Variants in CFAP20DC observed in about 807,000 individuals in gnomAD.
CFAP20DC encodes protein CFAP20DC.
CFAP20DC carries 84 observed loss-of-function variants against 101.7 expected under a neutral mutation model. The observed-to-expected ratio is 0.83, with a 90% CI of 0.69 to 0.99. CFAP20DC has a LOEUF of 0.99. Ranked by LOEUF, CFAP20DC falls within the 50% of genes least tolerant of loss-of-function variation. The pLI is 0.00. For synonymous variants in CFAP20DC, 359 were observed against 351.2 expected, an observed-to-expected ratio of 1.02 and a Z score of -0.25; for missense variants, 1,007 against 970.3, an observed-to-expected ratio of 1.04 and a Z score of -0.50.
chr3:58,889,155 T>A (rs2081936355), intron 6 of CFAP20DC, among the ~76,000 whole-genome samples: 1 of 152,230 alleles, frequency 6.6e-6, no homozygotes, highest in Non-Finnish European at 1.5e-5. Flanking sequence ...AATTTTATAC[T>A]TAGAGAATGT....
At chr3:58,955,047 T>C (rs539719837) in intron 4 of CFAP20DC, among the ~76,000 whole-genome samples, 1 of 151,822 alleles carries the variant, frequency 6.6e-6, no homozygotes, top group Non-Finnish European at 1.5e-5. Context: ...AAATTTACCA[T>C]ATTTTGTGTA....
At chr3:58,720,747 G>T (rs999868359) in intron 3 of CFAP20DC, among the ~76,000 whole-genome samples, 2 of 152,056 alleles carry the variant, frequency 1.3e-5, no homozygotes, top group Non-Finnish European at 2.9e-5. Flanking sequence ...CAGTGTCAAA[G>T]TACTCTCCAT....
At chr3:58,919,076 A>G (rs537044238) in intron 5 of CFAP20DC, among the ~76,000 whole-genome samples, 151 of 152,316 alleles carry the variant, frequency 9.9e-4, no homozygotes, top group African/African-American at 3.4e-3. Context: ...TGCCCCAGAC[A>G]GATCCTGTGC....
intron 16 of CFAP20DC, among the ~76,000 whole-genome samples, chr3:58,750,656 C>T (rs1364917021): frequency 6.6e-6 from 1 of 152,202 alleles, no homozygotes; most frequent in Non-Finnish European, 1.5e-5. Context: ...GGCATTTGAT[C>T]TTGGTCAAGT....
rs2079281011 is a variant in CFAP20DC at position 58,861,873 on chromosome 3, A to G, written c.1593+1685T>C. The G allele has an allele frequency of 1.0e-6, 1 of 985,326 alleles. No individual in the cohort carries two copies. The highest frequency in any genetic ancestry group is 1.2e-6 in the Non-Finnish European group (1 of 829,940). The allele number at this position is 985,326 out of a possible 1,614,324, so 61.0% of individuals were successfully genotyped here. A position where few individuals can be genotyped will look rare whatever the true frequency, so the allele number is the denominator to read the frequency against. On this transcript the variant is annotated intron_variant, in intron 12 of 16. Transcript: ENST00000482387. This position sits in a 1 kb window ranked among gnomAD's most constrained non-coding sequence, Gnocchi z 4.0. The stretch of plus-strand genomic sequence containing the variant: ...CCAGTGAAAGCTTGGGTAATGCATG[A>G]TAAATTTGTTTTCAATTTTATGTAG...
chr3:58,905,047 C>T (rs1042628283), intron 6 of CFAP20DC, among the ~76,000 whole-genome samples: 2 of 152,130 alleles, frequency 1.3e-5, no homozygotes, highest in African/African-American at 4.8e-5. Flanking sequence ...CTATGCCTTC[C>T]AGGGCCTCTT....
At chr3:58,777,709 G>A (rs1454135352) in intron 15 of CFAP20DC, among the ~76,000 whole-genome samples, 2 of 152,108 alleles carry the variant, frequency 1.3e-5, no homozygotes, top group Non-Finnish European at 2.9e-5. Context: ...TTCCTAATGT[G>A]GGGAAAAAGT....
At chr3:58,778,788 CA>C (rs2107552495) in intron 15 of CFAP20DC, among the ~76,000 whole-genome samples, 1 of 152,312 alleles carries the variant, frequency 6.6e-6, no homozygotes, top group African/African-American at 2.4e-5. Flanking sequence ...CAGTTCCCAG[CA>C]AAACTTCACT....
intron 15 of CFAP20DC, among the ~76,000 whole-genome samples, chr3:58,802,569 A>C (rs2073788723): frequency 1.3e-5 from 2 of 152,224 alleles, no homozygotes; most frequent in African/African-American, 4.8e-5. Flanking sequence ...TAACAGCGTA[A>C]GGGGAAATGG....
At chr3:58,806,357 T>A (rs2074054628) in intron 15 of CFAP20DC, 38 bp downstream of exon 15, 2 of 1,377,674 alleles carry the variant, frequency 1.5e-6, no homozygotes, top group Admixed American at 3.6e-5. Context: ...CAACTAAGTT[T>A]TTTTTTTTCT....
chr3:58,855,349 G>A (rs1480996979), intron 12 of CFAP20DC, among the ~76,000 whole-genome samples: 2 of 152,164 alleles, frequency 1.3e-5, no homozygotes, highest in Non-Finnish European at 2.9e-5. Flanking sequence ...AGGTGCTGGA[G>A]AGGATGTGGA....
intron 10 of CFAP20DC, among the ~76,000 whole-genome samples, chr3:58,867,018 T>G (rs1187437645): frequency 6.6e-6 from 1 of 152,070 alleles, no homozygotes; most frequent in African/African-American, 2.4e-5. Flanking sequence ...ATGAAGTGAG[T>G]TTTCTTTAAA....
Position 58,864,393 on chromosome 3 carries a change from C to T in CFAP20DC, c.1259-501G>A, listed in dbSNP as rs1337995302. Among the ~76,000 whole-genome samples the T allele has an allele frequency of 6.6e-6, 1 of 152,136 alleles. No individual in the cohort carries two copies. The highest frequency in any genetic ancestry group is 1.5e-5 in the Non-Finnish European group (1 of 68,024). On this transcript the variant is annotated intron_variant, in intron 11 of 16. Transcript: ENST00000482387. The surrounding 1 kb of genome is among the most constrained non-coding windows in gnomAD (Gnocchi z 4.7). Reference sequence around the variant, plus strand: ...TAAACACTCAACCCATACATCAGTGCCTATAGCTATGGGCAACTCATTTGC... The same window carrying T: ...TAAACACTCAACCCATACATCAGTGTCTATAGCTATGGGCAACTCATTTGC...
chr3:58,756,763 C>A (rs1051061646), intron 15 of CFAP20DC, among the ~76,000 whole-genome samples: 3 of 152,118 alleles, frequency 2.0e-5, no homozygotes, highest in Non-Finnish European at 4.4e-5. Context: ...AAAAACTGAA[C>A]AGATACATGT....
Position 58,742,279 on chromosome 3 carries a change from T to C in CFAP20DC, c.*181A>G, listed in dbSNP as rs1308109928. ...TTCTTCAGTTTCAAAATCATACTCATCTACAAAAGGAATATAGGTATTCTT... is the reference window on the plus strand; with the variant it reads ...TTCTTCAGTTTCAAAATCATACTCACCTACAAAAGGAATATAGGTATTCTT... On this transcript the variant is annotated 3_prime_UTR_variant, in exon 17 of 17. Transcript: ENST00000482387. The C allele has an allele frequency of 8.5e-7, 1 of 1,174,722 alleles. No individual in the cohort carries two copies. The highest frequency in any genetic ancestry group is 1.1e-6 in the Non-Finnish European group (1 of 948,246). 72.8% of individuals were successfully genotyped at this position (1,174,722 alleles called of 1,614,324 possible). A position where few individuals can be genotyped will look rare whatever the true frequency, so the allele number is the denominator to read the frequency against.
intron 15 of CFAP20DC, among the ~76,000 whole-genome samples, chr3:58,759,967 A>G (rs939114976): frequency 3.0e-4 from 46 of 152,214 alleles, no homozygotes; most frequent in South Asian, 2.1e-4. Context: ...GTCAGGTAGC[A>G]TGATGCCTCC....
chr3:58,787,113 T>A (rs1011633138), intron 15 of CFAP20DC, among the ~76,000 whole-genome samples: 1 of 151,936 alleles, frequency 6.6e-6, no homozygotes, highest in Non-Finnish European at 1.5e-5. Flanking sequence ...TAATTTTATA[T>A]AAAAGTAATT....
intron 15 of CFAP20DC, among the ~76,000 whole-genome samples, chr3:58,771,396 T>C (rs2070828890): frequency 6.6e-6 from 1 of 150,462 alleles, no homozygotes; most frequent in African/African-American, 2.4e-5. Context: ...ACTTAAAGTA[T>C]AATAAAAAAC....
chr3:58,977,102 T>C (rs1054278083), intron 4 of CFAP20DC, among the ~76,000 whole-genome samples: 2 of 152,234 alleles, frequency 1.3e-5, no homozygotes, highest in African/African-American at 4.8e-5. Flanking sequence ...AACTTAAGTA[T>C]TGTTTGAATC....
Sources: allele counts gnomAD v4.1 joint callset (sites outside exome capture counted in the v4.1 genomes callset), GRCh38; gene constraint gnomAD v4.1.1; non-coding constraint Gnocchi (gnomAD v3.1); transcripts MANE v1.5; gene names NCBI Gene and HGNC (gene_info 2026-07-23, HGNC 2026-07-21).